The following LMNB1 variants were observed in gnomAD, a reference collection of about 807,000 sequenced individuals.
The protein encoded by LMNB1 is lamin B1, also known as lamin-B1.
In LMNB1, 23 loss-of-function variants were observed where a neutral mutation model predicts 67.1. The ratio of observed to expected loss-of-function variants is 0.34; its 90% CI spans 0.25 to 0.49. The LOEUF is 0.49. Ranked by LOEUF, LMNB1 falls within the 20% of genes least tolerant of loss-of-function variation. LMNB1 has a pLI of 0.99. For synonymous variants in LMNB1, 281 were observed against 282.9 expected (o/e 0.99, Z 0.07); for missense variants, 634 against 746.5 (o/e 0.85, Z 1.76).
At chr5:126,793,297 T>C (rs1171387608) in intron 1 of LMNB1, among the ~76,000 whole-genome samples, 1 of 151,928 alleles carries the variant, frequency 6.6e-6, no homozygotes, top group African/African-American at 2.4e-5. Flanking sequence ...TGCTCCATAC[T>C]CCTGTGCCTG....
chr5:126,834,088 C>T (rs926145955), intron 10 of LMNB1, among the ~76,000 whole-genome samples: 1 of 152,172 alleles, frequency 6.6e-6, no homozygotes, highest in Non-Finnish European at 1.5e-5. Flanking sequence ...AGGTTGGCCT[C>T]GGCTGGAATA....
intron 9 of LMNB1, among the ~76,000 whole-genome samples, chr5:126,831,247 T>G (rs1388395872): frequency 6.6e-6 from 1 of 152,238 alleles, no homozygotes; most frequent in Non-Finnish European, 1.5e-5. Context: ...ATTCTCTTTC[T>G]TGAGTGACCT....
intron 3 of LMNB1, among the ~76,000 whole-genome samples, chr5:126,807,225 A>G (rs1751465093): frequency 6.6e-6 from 1 of 152,176 alleles, no homozygotes; most frequent in African/African-American, 2.4e-5. Context: ...GTTGAAATCA[A>G]CTCATGGGGG....
intron 5 of LMNB1, among the ~76,000 whole-genome samples, chr5:126,816,801 C>T (rs779539138): frequency 7.9e-5 from 12 of 152,132 alleles, no homozygotes; most frequent in Admixed American, 1.3e-4. Flanking sequence ...TTTAAGTGCC[C>T]GTTTTGTCAC....
At chr5:126,780,708 G>A (rs770361328) in intron 1 of LMNB1, among the ~76,000 whole-genome samples, 2 of 152,130 alleles carry the variant, frequency 1.3e-5, no homozygotes, top group Non-Finnish European at 2.9e-5. Context: ...GCTACTGTAT[G>A]TATATTCCTA....
At chr5:126,827,698 G>C (rs575608843) in intron 9 of LMNB1, among the ~76,000 whole-genome samples, 2 of 152,124 alleles carry the variant, frequency 1.3e-5, no homozygotes, top group Admixed American at 1.3e-4. Flanking sequence ...GTCAGGAGAG[G>C]GTCCAGAATT....
At chr5:126,786,562 G>A (rs1182392151) in intron 1 of LMNB1, among the ~76,000 whole-genome samples, 1 of 152,190 alleles carries the variant, frequency 6.6e-6, no homozygotes, top group Non-Finnish European at 1.5e-5. Context: ...CATTGTGATA[G>A]GGTGTTCACA....
rs1018427216 is a variant in LMNB1 at position 126,777,545 on chromosome 5, A to G, written c.37A>G (p.Ser13Gly). The change falls in exon 1 of 11, where the codon AGC becomes GGC. Residue 13 changes from serine (S) to glycine (G), a missense_variant. By Grantham distance (56) the Ser-to-Gly change is moderately conservative (BLOSUM62 0). Transcript: ENST00000261366. Reference sequence around the variant, plus strand: ...GACCCCCGTGCCGCCGCGGATGGGCAGCCGCGCTGGCGGCCCCACCACGCC... The same window carrying G: ...GACCCCCGTGCCGCCGCGGATGGGCGGCCGCGCTGGCGGCCCCACCACGCC... Reference protein sequence around the residue: ...TATPVPPRMGSRAGGPTTPLS... With the variant: ...TATPVPPRMGGRAGGPTTPLS... 5 of 1,439,522 alleles carry G rather than the reference A, an allele frequency of 3.5e-6. No individual in the cohort carries two copies. The highest frequency in any genetic ancestry group is 2.8e-5 in the Admixed American group (1 of 35,676). The allele number at this position is 1,439,522 out of a possible 1,614,324, so 89.2% of individuals were successfully genotyped here. A position where few individuals can be genotyped will look rare whatever the true frequency, so the allele number is the denominator to read the frequency against.
intron 1 of LMNB1, among the ~76,000 whole-genome samples, chr5:126,794,021 A>G (rs577228183): frequency 4.1e-4 from 62 of 151,714 alleles, no homozygotes; most frequent in Non-Finnish European, 8.2e-4. Flanking sequence ...TGCTACCTCC[A>G]TCTCCTGGGT....
chr5:126,830,192 G>C (rs948221101), intron 9 of LMNB1, among the ~76,000 whole-genome samples: 1 of 152,198 alleles, frequency 6.6e-6, no homozygotes, highest in Admixed American at 6.5e-5. Flanking sequence ...ACTGAGCACA[G>C]AGCTGTGCAG....
chr5:126,800,841 TGG>T (rs1751254946), intron 1 of LMNB1, among the ~76,000 whole-genome samples: 2 of 137,982 alleles, frequency 1.4e-5, no homozygotes, highest in African/African-American at 5.4e-5. Flanking sequence ...TAGTAGAGAC[TGG>T]GTTTCTCCAT....
chr5:126,822,266 A>C (rs1037526519), intron 7 of LMNB1, among the ~76,000 whole-genome samples: 3 of 152,204 alleles, frequency 2.0e-5, no homozygotes, highest in African/African-American at 7.2e-5. Flanking sequence ...CTGGGATTAC[A>C]GGCATGGGCC....
chr5:126,828,867 G>A (rs571098214), intron 9 of LMNB1, among the ~76,000 whole-genome samples: 1 of 152,156 alleles, frequency 6.6e-6, no homozygotes, highest in East Asian at 1.9e-4. Context: ...GCCAAGGTTG[G>A]TCCATTCTTT....
At chr5:126,785,356 A>T (rs1428875666) in intron 1 of LMNB1, among the ~76,000 whole-genome samples, 1 of 148,874 alleles carries the variant, frequency 6.7e-6, no homozygotes, top group Non-Finnish European at 1.5e-5. Context: ...CAGTGGCACG[A>T]TCTCAGCTCA....
chr5:126,806,231 G>C (rs185708540), intron 3 of LMNB1, among the ~76,000 whole-genome samples: 1,586 of 152,328 alleles, frequency 0.01, 44 homozygotes, highest in Non-Finnish European at 9.7e-3. Flanking sequence ...GGGATTACAG[G>C]TGTGAGCCAC....
chr5:126,822,910 A>C, intron 8 of LMNB1, 25 bp downstream of exon 8: 1 of 1,397,518 alleles, frequency 7.2e-7, no homozygotes, highest in Non-Finnish European at 1.0e-6. Context: ...TCATCATTTA[A>C]TTTAACTTCA....
chr5:126,785,146 ATT>A (rs200467792), intron 1 of LMNB1, among the ~76,000 whole-genome samples: 1 of 135,554 alleles, frequency 7.4e-6, no homozygotes. Context: ...TGCCCGGCTA[ATT>A]TTTTTTTTTT....
chr5:126,810,138 A>G lies in LMNB1; in HGVS notation c.643-42A>G, dbSNP rs772389936. On this transcript the variant is annotated intron_variant, in intron 3 of 10. Transcript: ENST00000261366. ...CACTCAGATGTGTACCAATGCAGCC[A>G]TGGTAAGTAGCTTGGCTTTATGCTT... 7.0e-6 allele frequency: 11 copies of G among 1,575,372 alleles called. No individual in the cohort carries two copies. The South Asian group carries it at 9.0e-5, about 13-fold the overall frequency.
At chr5:126,812,718 C>CTTTTTTTTTTTTTTTTTTTTTT (rs11430160) in intron 5 of LMNB1, among the ~76,000 whole-genome samples, 6 of 117,160 alleles carry the variant, frequency 5.1e-5, no homozygotes, top group South Asian at 2.5e-4. Flanking sequence ...CTTTATTTTA[C>CTTTTTTTTTTTTTTTTTTTTTT]TTTTTTTTTT....
Sources: gnomAD v4.1 joint callset for allele counts (sites outside exome capture counted in the v4.1 genomes callset) on GRCh38, gnomAD v4.1.1 for gene constraint, MANE v1.5 for transcripts, NCBI Gene and HGNC (gene_info 2026-07-23, HGNC 2026-07-21) for gene names.